Variants in KIF16B observed in about 807,000 individuals in gnomAD.
KIF16B encodes kinesin family member 16B, also known as kinesin-like protein KIF16B.
A neutral mutation model predicts 156.3 loss-of-function variants in KIF16B; 98 were observed. The ratio of observed to expected loss-of-function variants is 0.63; its 90% CI spans 0.53 to 0.74. The LOEUF (loss-of-function observed/expected upper bound fraction) is 0.74, where lower values mean the gene tolerates loss of function less well. KIF16B is among the 30% of genes least tolerant of loss of function. The pLI, the probability that KIF16B is intolerant of heterozygous loss-of-function variation, is 0.00. For missense variants in KIF16B, 1,421 were observed against 1,606.5 expected (o/e 0.88, Z 1.97); for synonymous variants, 564 against 583.7 (o/e 0.97, Z 0.49).
intron 17 of KIF16B, among the ~76,000 whole-genome samples, chr20:16,404,471 G>A (rs1264335606): frequency 2.6e-5 from 4 of 152,164 alleles, no homozygotes; most frequent in Non-Finnish European, 4.4e-5. Context: ...ATAAAAGTGC[G>A]TAAGCCAAAG....
intron 24 of KIF16B, 74 bp downstream of exon 24, chr20:16,335,852 A>C (rs2064026512): frequency 1.1e-6 from 1 of 896,170 alleles, no homozygotes; most frequent in African/African-American, 1.7e-5. Flanking sequence ...GAGAGATAAC[A>C]TTGCTAATGC....
Position 16,511,512 on chromosome 20 carries a change from AT to A in KIF16B, c.461del (p.Tyr154LeufsTer5). The A allele has an allele frequency of 6.2e-7, 1 of 1,601,414 alleles. No individual in the cohort carries two copies. Among genetic ancestry groups the A allele is most frequent in the Non-Finnish European group, 8.5e-7 (1 of 1,173,808 alleles). ...FRTEVSYLEI[Y>X]NERVRDLLRR... ...GAAGTAGATCTCTCACACGTTCGTT[AT>A]AAATTTCTAAGTAGCTAAAAATTTA... On this transcript the variant is annotated frameshift_variant, in exon 6 of 26. Transcript: ENST00000354981. LOFTEE classifies it high-confidence loss of function.
At chr20:16,555,663 G>A (rs1326234571) in intron 1 of KIF16B, among the ~76,000 whole-genome samples, 1 of 152,134 alleles carries the variant, frequency 6.6e-6, no homozygotes, top group African/African-American at 2.4e-5. Context: ...TTAAGAAGAT[G>A]GTATAGAAAA....
intron 1 of KIF16B, among the ~76,000 whole-genome samples, chr20:16,533,278 C>T (rs1239028088): frequency 6.6e-6 from 1 of 152,122 alleles, no homozygotes; most frequent in Non-Finnish European, 1.5e-5. Flanking sequence ...TGCTCTGACT[C>T]TTAATACTCA....
At chr20:16,363,557 G>C (rs1388372362) in intron 22 of KIF16B, among the ~76,000 whole-genome samples, 1 of 152,168 alleles carries the variant, frequency 6.6e-6, no homozygotes, top group Non-Finnish European at 1.5e-5. Context: ...GATGGACGGA[G>C]GGTACTTCCT....
chr20:16,346,302 A>C (rs887643567), intron 23 of KIF16B, among the ~76,000 whole-genome samples: 7 of 152,184 alleles, frequency 4.6e-5, no homozygotes, highest in African/African-American at 1.7e-4. Context: ...CACAAATGGG[A>C]GGTGTATGGA....
chr20:16,465,474 T>G (rs573856315), intron 12 of KIF16B, among the ~76,000 whole-genome samples: 4 of 152,244 alleles, frequency 2.6e-5, no homozygotes, highest in Non-Finnish European at 5.9e-5. Flanking sequence ...AATGGCCCCC[T>G]GTGCTAATCC....
intron 1 of KIF16B, among the ~76,000 whole-genome samples, chr20:16,530,498 G>A (rs2069707414): frequency 6.6e-6 from 1 of 152,116 alleles, no homozygotes; most frequent in Non-Finnish European, 1.5e-5. Flanking sequence ...GGAAACAGGG[G>A]CCCGCTAGCA....
intron 22 of KIF16B, among the ~76,000 whole-genome samples, chr20:16,361,543 T>C (rs2064552799): frequency 6.6e-6 from 1 of 152,208 alleles, no homozygotes; most frequent in Non-Finnish European, 1.5e-5. Flanking sequence ...CCATATATGC[T>C]ACAGATACAT....
intron 20 of KIF16B, among the ~76,000 whole-genome samples, chr20:16,372,324 T>A (rs2064841678): frequency 6.6e-6 from 1 of 152,232 alleles, no homozygotes; most frequent in Non-Finnish European, 1.5e-5. Context: ...TCTCTCCAAA[T>A]GGGTTCTCTG....
intron 1 of KIF16B, among the ~76,000 whole-genome samples, chr20:16,530,203 G>C (rs1026702609): frequency 6.6e-6 from 1 of 152,156 alleles, no homozygotes; most frequent in African/African-American, 2.4e-5. Flanking sequence ...CAGGTCACTA[G>C]GGCTGTGGCG....
At chr20:16,395,673 A>G (rs968460589) in intron 17 of KIF16B, among the ~76,000 whole-genome samples, 1 of 151,960 alleles carries the variant, frequency 6.6e-6, no homozygotes, top group Non-Finnish European at 1.5e-5. Flanking sequence ...ACTAATTAGG[A>G]GCTTGGTGAG....
chr20:16,489,266 G>C (rs188037146), intron 12 of KIF16B, among the ~76,000 whole-genome samples: 6 of 152,266 alleles, frequency 3.9e-5, no homozygotes, highest in African/African-American at 1.4e-4. Flanking sequence ...GGCTGAAGGG[G>C]GAGGGCCTGG....
At chr20:16,554,917 C>A (rs780876018) in intron 1 of KIF16B, among the ~76,000 whole-genome samples, 1 of 152,230 alleles carries the variant, frequency 6.6e-6, no homozygotes, top group Admixed American at 6.5e-5. Context: ...GCAGTCAGCA[C>A]GCCTGGCTGT....
intron 1 of KIF16B, among the ~76,000 whole-genome samples, chr20:16,558,181 T>C (rs1043259877): frequency 6.6e-6 from 1 of 152,118 alleles, no homozygotes; most frequent in Non-Finnish European, 1.5e-5. Context: ...GAGTGGCAGG[T>C]GCCGAGGTCC....
chr20:16,458,364 T>C (rs561696758), intron 12 of KIF16B, among the ~76,000 whole-genome samples: 154 of 152,346 alleles, frequency 1.0e-3, no homozygotes, highest in Non-Finnish European at 1.8e-3. Flanking sequence ...ACCTAGGCAA[T>C]TGCTCAGCCC....
At chr20:16,476,618 T>TTA in intron 12 of KIF16B, among the ~76,000 whole-genome samples, 1 of 152,316 alleles carries the variant, frequency 6.6e-6, no homozygotes, top group South Asian at 2.1e-4. Context: ...GGTTTCTGAT[T>TTA]TAGGTATATC....
chr20:16,437,200 A>G (rs1297283552), intron 12 of KIF16B, among the ~76,000 whole-genome samples: 1 of 152,244 alleles, frequency 6.6e-6, no homozygotes, highest in Non-Finnish European at 1.5e-5. Context: ...CATATCATAC[A>G]TATCAGCAAT....
chr20:16,568,955 A>C (rs1350463638), intron 1 of KIF16B, among the ~76,000 whole-genome samples: 1 of 151,752 alleles, frequency 6.6e-6, no homozygotes, highest in Non-Finnish European at 1.5e-5. Flanking sequence ...AAATATTGAA[A>C]CCTAACCCCT....
Sources: gnomAD v4.1 joint callset for allele counts (sites outside exome capture counted in the v4.1 genomes callset) on GRCh38, gnomAD v4.1.1 for gene constraint, MANE v1.5 for transcripts, NCBI Gene and HGNC (gene_info 2026-07-23, HGNC 2026-07-21) for gene names.